Variants in STXBP4 observed in about 807,000 individuals in gnomAD.
STXBP4 encodes syntaxin-binding protein 4.
In STXBP4, 55 loss-of-function variants were observed where a neutral mutation model predicts 76.1. The ratio of observed to expected loss-of-function variants is 0.72; its 90% CI spans 0.58 to 0.91. The LOEUF is 0.91. Among genes scored for constraint, STXBP4 ranks in the 40% least tolerant of loss-of-function variants. STXBP4 has a pLI of 0.00. For synonymous variants in STXBP4, 201 were observed against 220.2 expected (o/e 0.91, Z 0.77); for missense variants, 618 against 636.9 (o/e 0.97, Z 0.32).
intron 12 of STXBP4, among the ~76,000 whole-genome samples, chr17:55,066,368 G>A (rs2079051603): frequency 6.6e-6 from 1 of 151,786 alleles, no homozygotes; most frequent in Non-Finnish European, 1.5e-5. Context: ...GGGTTACAGG[G>A]TCCTGCCACC....
At chr17:55,173,976 A>G (rs140104463), downstream of STXBP4, among the ~76,000 whole-genome samples, 203 of 152,260 alleles carry the variant, frequency 1.3e-3, no homozygotes, top group Non-Finnish European at 2.1e-3. Context: ...CTTCATGTAC[A>G]TCTCTTTCTA....
chr17:55,096,876 T>C (rs1189287502), intron 16 of STXBP4, among the ~76,000 whole-genome samples: 1 of 152,200 alleles, frequency 6.6e-6, no homozygotes, highest in East Asian at 1.9e-4. Context: ...GTATTATTGC[T>C]CTTTTCATAT....
At chr17:55,195,063 TC>T in the STXBP4 span, among the ~76,000 whole-genome samples, 1 of 152,164 alleles carries the variant, frequency 6.6e-6, no homozygotes, top group Admixed American at 6.5e-5. Context: ...AAACAAACAG[TC>T]CTATTAAAGC....
chr17:55,083,791 T>C (rs1379291160), intron 16 of STXBP4, among the ~76,000 whole-genome samples: 4 of 152,118 alleles, frequency 2.6e-5, no homozygotes. Flanking sequence ...GCATAGGTGT[T>C]TCAGTGAACA....
intron 16 of STXBP4, among the ~76,000 whole-genome samples, chr17:55,102,304 G>A (rs1432453553): frequency 6.6e-6 from 1 of 152,028 alleles, no homozygotes; most frequent in African/African-American, 2.4e-5. Flanking sequence ...AGGCCCTAGT[G>A]TGTGATGTTT....
intron 16 of STXBP4, among the ~76,000 whole-genome samples, chr17:55,101,421 ACAG>A (rs2079564253): frequency 6.6e-6 from 1 of 152,124 alleles, no homozygotes; most frequent in Non-Finnish European, 1.5e-5. Context: ...CCAGAACCAA[ACAG>A]CAGCTGTTGT....
intron 16 of STXBP4, among the ~76,000 whole-genome samples, chr17:55,090,836 TGTGTG>T (rs2079402843): frequency 3.0e-4 from 2 of 6,612 alleles, no homozygotes; most frequent in African/African-American, 7.1e-3. Context: ...CATTTTAAAT[TGTGTG>T]TGTGTGTGTG....
At chr17:55,052,823 T>C (rs144940601) in intron 12 of STXBP4, among the ~76,000 whole-genome samples, 13 of 150,240 alleles carry the variant, frequency 8.7e-5, no homozygotes, top group African/African-American at 3.2e-4. Flanking sequence ...GGCGAGAATG[T>C]GTAACCTGAA....
At chr17:55,097,401 T>G (rs112860091) in intron 16 of STXBP4, among the ~76,000 whole-genome samples, 24 of 152,178 alleles carry the variant, frequency 1.6e-4, no homozygotes, top group Admixed American at 1.1e-3. Flanking sequence ...CGGTGGCTCA[T>G]GCCTGTAATC....
At chr17:55,031,826 G>A (rs2144682222) in intron 9 of STXBP4, among the ~76,000 whole-genome samples, 1 of 152,202 alleles carries the variant, frequency 6.6e-6, no homozygotes, top group East Asian at 1.9e-4. Context: ...TATTTTTTAT[G>A]CATTTGGTTG....
At chr17:55,157,984 G>A (rs939585905) in intron 17 of STXBP4, among the ~76,000 whole-genome samples, 5 of 152,090 alleles carry the variant, frequency 3.3e-5, no homozygotes, top group Admixed American at 2.0e-4. Context: ...AAAATCTCTG[G>A]GAAATCTTAT....
chr17:55,141,448 A>G, intron 17 of STXBP4, 81 bp downstream of exon 17: 1 of 1,239,002 alleles, frequency 8.1e-7, no homozygotes, highest in Non-Finnish European at 1.1e-6. Context: ...AATCAGCAAA[A>G]CTAAGAAACC....
At chr17:55,017,454 A>T (rs1430469716) in intron 8 of STXBP4, among the ~76,000 whole-genome samples, 1 of 152,164 alleles carries the variant, frequency 6.6e-6, no homozygotes, top group Admixed American at 6.5e-5. Context: ...GAGCTTCCTT[A>T]GATCCCTTTG....
the STXBP4 span, among the ~76,000 whole-genome samples, chr17:55,181,716 G>A: frequency 6.6e-6 from 1 of 152,188 alleles, no homozygotes; most frequent in Non-Finnish European, 1.5e-5. Flanking sequence ...TGCTAAGACT[G>A]ATATCTGAAA....
Position 55,043,233 on chromosome 17 carries a change from T to C in STXBP4, c.856-3T>C. The C allele has an allele frequency of 6.8e-7, 1 of 1,473,012 alleles. No homozygotes were observed. The allele number at this position is 1,473,012 out of a possible 1,614,324, so 91.2% of individuals were successfully genotyped here. ...CTTTTCTCTTATATTTTAATGTTGA[T>C]AGCTTCTTCCTTGTGATTCTTCAGA... On this transcript the variant is annotated splice_region_variant and splice_polypyrimidine_tract_variant and intron_variant, in intron 10 of 17. Coordinates refer to ENST00000376352, the MANE Select transcript of STXBP4 (RefSeq NM_178509.6).
intron 8 of STXBP4, among the ~76,000 whole-genome samples, chr17:55,029,746 C>T (rs1019089009): frequency 6.6e-6 from 1 of 151,722 alleles, no homozygotes; most frequent in African/African-American, 2.4e-5. Context: ...ATTAATATAC[C>T]CTATACATAC....
intron 3 of STXBP4, among the ~76,000 whole-genome samples, chr17:54,988,048 G>A (rs1239353967): frequency 1.3e-5 from 2 of 152,146 alleles, no homozygotes; most frequent in East Asian, 3.8e-4. Context: ...AGTCATGTAT[G>A]TAAATTTTAT....
chr17:55,154,278 A>G (rs1017992633), intron 17 of STXBP4, among the ~76,000 whole-genome samples: 3 of 152,182 alleles, frequency 2.0e-5, no homozygotes, highest in African/African-American at 4.8e-5. Flanking sequence ...GTTACCTTCT[A>G]TTGACAGGAA....
At chr17:55,033,034 A>G (rs1278623752) in intron 9 of STXBP4, among the ~76,000 whole-genome samples, 2 of 152,166 alleles carry the variant, frequency 1.3e-5, no homozygotes, top group Non-Finnish European at 2.9e-5. Context: ...AGACAAACAG[A>G]AAAAAGGAAC....
Sources: gnomAD v4.1 joint callset for allele counts (sites outside exome capture counted in the v4.1 genomes callset) on GRCh38, gnomAD v4.1.1 for gene constraint, MANE v1.5 for transcripts, NCBI Gene and HGNC (gene_info 2026-07-23, HGNC 2026-07-21) for gene names.